Variants in KANK4 observed in about 807,000 individuals in gnomAD.
KANK4 encodes KN motif and ankyrin repeat domain-containing protein 4.
In KANK4, 50 loss-of-function variants were observed where a neutral mutation model predicts 80.8. The ratio of observed to expected loss-of-function variants is 0.62; its 90% CI spans 0.49 to 0.78. The LOEUF is 0.78. KANK4 is among the 30% of genes least tolerant of loss of function. KANK4 has a pLI of 0.00. For missense variants in KANK4, 1,196 were observed against 1,240.1 expected (o/e 0.96, Z 0.53); for synonymous variants, 465 against 506.9 (o/e 0.92, Z 1.11).
In KANK4 at chr1:62,253,226, G is replaced by A; in HGVS notation, c.2540-17C>T. ...TGCAGACGCCTGCAAGAGAAGCAAT[G>A]GGTGCTGCAAAGGCTCCTGAGGGGC... is the stretch of plus-strand genomic sequence containing the variant. On this transcript the variant is annotated splice_polypyrimidine_tract_variant and intron_variant, in intron 7 of 9. Transcript: ENST00000371153. The A allele has an allele frequency of 6.3e-7, 1 of 1,599,702 alleles. No homozygotes were observed. The highest frequency in any genetic ancestry group is 8.5e-7 in the Non-Finnish European group (1 of 1,175,570).
intron 1 of KANK4, among the ~76,000 whole-genome samples, chr1:62,314,106 T>C (rs1327966596): frequency 6.6e-6 from 1 of 152,110 alleles, no homozygotes; most frequent in East Asian, 1.9e-4. Context: ...TTCTGCCTCC[T>C]GGGTTCAAGC....
intron 7 of KANK4, among the ~76,000 whole-genome samples, chr1:62,258,991 G>A (rs1430783711): frequency 6.6e-6 from 1 of 152,088 alleles, no homozygotes; most frequent in Non-Finnish European, 1.5e-5. Context: ...CTGGAGTGGA[G>A]GGAAGGAGGA....
intron 7 of KANK4, 94 bp downstream of exon 7, chr1:62,262,998 C>T: frequency 1.1e-6 from 1 of 879,126 alleles, no homozygotes; most frequent in Non-Finnish European, 1.8e-6. Context: ...ACCACTTGTA[C>T]CTTTAAAGCT....
intron 9 of KANK4, among the ~76,000 whole-genome samples, chr1:62,241,605 A>T (rs1037052870): frequency 6.6e-6 from 1 of 152,218 alleles, no homozygotes; most frequent in Admixed American, 6.5e-5. Context: ...AACATTGTTG[A>T]AAGAGAGAAT....
chr1:62,266,633 G>A, intron 6 of KANK4, 99 bp downstream of exon 6: 1 of 764,992 alleles, frequency 1.3e-6, no homozygotes, highest in South Asian at 1.6e-5. Context: ...TCACACCACT[G>A]CCTGCCTCAC....
At chr1:62,296,861 A>G (rs1301373559) in intron 1 of KANK4, among the ~76,000 whole-genome samples, 1 of 151,998 alleles carries the variant, frequency 6.6e-6, no homozygotes, top group Non-Finnish European at 1.5e-5. Flanking sequence ...TTTAATACTC[A>G]TATGTTGATG....
chr1:62,315,232 A>G (rs545293472), intron 1 of KANK4, among the ~76,000 whole-genome samples: 20 of 152,136 alleles, frequency 1.3e-4, no homozygotes, highest in Non-Finnish European at 2.8e-4. Context: ...CCCAGGATAC[A>G]CTGACCTCCA....
chr1:62,257,741 C>A (rs1671785692), intron 7 of KANK4, among the ~76,000 whole-genome samples: 1 of 152,170 alleles, frequency 6.6e-6, no homozygotes, highest in African/African-American at 2.4e-5. Flanking sequence ...CTCTCTCAAC[C>A]CATTCTCCCC....
intron 9 of KANK4, among the ~76,000 whole-genome samples, chr1:62,244,195 T>G (rs1557465909): frequency 6.7e-6 from 1 of 148,650 alleles, no homozygotes; most frequent in African/African-American, 2.6e-5. Context: ...AGTGTTTATT[T>G]TTTATTTTTT....
Position 62,268,268 on chromosome 1 carries a change from T to A in KANK4, c.2231+19A>T, listed in dbSNP as rs999225081. On this transcript the variant is annotated intron_variant, in intron 5 of 9. Coordinates refer to ENST00000371153, the MANE Select transcript of KANK4 (RefSeq NM_181712.5). ...TTTTTCAGAGGAACAAGTGCCCGCG[T>A]TTGTGTCCATTTGCTCACCTCTCGG... 5 of 1,597,744 alleles carry A rather than the reference T, an allele frequency of 3.1e-6. No individual in the cohort carries two copies. In the African/African-American group the frequency reaches 5.4e-5, roughly 17 times the overall value.
chr1:62,303,926 T>C (rs1293223404), intron 1 of KANK4, among the ~76,000 whole-genome samples: 1 of 152,002 alleles, frequency 6.6e-6, no homozygotes, highest in Non-Finnish European at 1.5e-5. Context: ...CAGGCTGAAG[T>C]GCAATGGTGC....
At chr1:62,298,311 G>T (rs940435137) in intron 1 of KANK4, 1 of 152,188 alleles carries the variant, frequency 6.6e-6, no homozygotes, top group Non-Finnish European at 1.5e-5. Flanking sequence ...GCACACGATA[G>T]TTTGAGAAGT....
chr1:62,247,241 C>A (rs1442319755), intron 9 of KANK4, among the ~76,000 whole-genome samples: 1 of 151,976 alleles, frequency 6.6e-6, no homozygotes, highest in Non-Finnish European at 1.5e-5. Flanking sequence ...GTTGCATTGC[C>A]ATAGGATTCC....
intron 1 of KANK4, among the ~76,000 whole-genome samples, chr1:62,302,682 A>C (rs898030494): frequency 6.6e-6 from 1 of 152,096 alleles, no homozygotes; most frequent in Non-Finnish European, 1.5e-5. Context: ...ATGAACCAGG[A>C]AGAGGGTTGT....
intron 2 of KANK4, among the ~76,000 whole-genome samples, chr1:62,278,377 C>CTGAGATGGAA (rs1672368222): frequency 2.4e-4 from 3 of 12,312 alleles, no homozygotes; most frequent in South Asian, 2.7e-3. Context: ...TCCTTCCTTC[C>CTGAGATGGAA]TTTCTTTCTT....
chr1:62,247,724 C>A (rs1280138706), intron 8 of KANK4, 52 bp from the exon 9 acceptor site: 5 of 1,503,230 alleles, frequency 3.3e-6, no homozygotes, highest in Non-Finnish European at 4.6e-6. Context: ...TGGGGAAGGA[C>A]CCCCTCTCCA....
chr1:62,273,385 C>T lies in KANK4; in HGVS notation c.1719G>A (p.Glu573=). ...YVKKIQELLQ[E]QWNCLEHGYP... is the part of the protein sequence containing the mutation. ...ACCCATGCTCCAGGCAGTTCCACTG[C>T]TCCTGCAGGAGCTCCTGGATCTTCT... is the stretch of plus-strand genomic sequence containing the variant. Residue 573 remains glutamate, a synonymous_variant, in exon 3 of 10, where the codon GAG becomes GAA. Coordinates refer to ENST00000371153, the MANE Select transcript of KANK4 (RefSeq NM_181712.5). 1.9e-6 allele frequency: 3 copies of T among 1,607,128 alleles called. No individual in the cohort carries two copies. In the South Asian group the frequency reaches 3.3e-5, roughly 18 times the overall value.
chr1:62,249,244 G>A (rs1208286020), intron 8 of KANK4, among the ~76,000 whole-genome samples: 2 of 151,574 alleles, frequency 1.3e-5, no homozygotes, highest in African/African-American at 2.4e-5. Context: ...GATAAAGTAT[G>A]TAAATATAAT....
chr1:62,279,437 G>A (rs1672404317), intron 2 of KANK4, among the ~76,000 whole-genome samples: 1 of 152,136 alleles, frequency 6.6e-6, no homozygotes, highest in African/African-American at 2.4e-5. Flanking sequence ...CCAGGCACTG[G>A]GCCAGGGTGA....
Sources: allele counts gnomAD v4.1 joint callset (sites outside exome capture counted in the v4.1 genomes callset), GRCh38; gene constraint gnomAD v4.1.1; transcripts MANE v1.5; gene names NCBI Gene and HGNC (gene_info 2026-07-23, HGNC 2026-07-21).